The following SLX4 variants were observed in gnomAD, a reference collection of about 807,000 sequenced individuals.
The protein encoded by SLX4 is structure-specific endonuclease subunit SLX4.
SLX4 carries 112 observed loss-of-function variants against 146.2 expected under a neutral mutation model. The observed-to-expected ratio is 0.77, with a 90% CI of 0.66 to 0.90. SLX4 has a LOEUF of 0.90. Among genes scored for constraint, SLX4 ranks in the 40% least tolerant of loss-of-function variants. The pLI is 0.00. For missense variants in SLX4, 2,563 were observed against 2,392.7 expected (o/e 1.07, Z -1.49); for synonymous variants, 1,061 against 997.7 (o/e 1.06, Z -1.20).
In SLX4 at chr16:3,608,483, T is replaced by G; in HGVS notation, c.482A>C (p.Gln161Pro). ...PVLRETAQNT[Q>P]TGNQQEPSPN... is the part of the protein sequence containing the mutation. Reference sequence around the variant, plus strand: ...CGATGGTTCTTGCTGGTTACCCGTCTGGGTGTTTTGTGCTGTTTCCCGGAG... The same window carrying G: ...CGATGGTTCTTGCTGGTTACCCGTCGGGGTGTTTTGTGCTGTTTCCCGGAG... Residue 161 changes from glutamine (Q) to proline (P), a missense_variant, in exon 2 of 15, where the codon CAG becomes CCG. Gln to Pro is a moderately conservative substitution (Grantham distance 76). Coordinates refer to ENST00000294008, the MANE Select transcript of SLX4 (RefSeq NM_032444.4). The G allele has an allele frequency of 6.2e-7, 1 of 1,614,246 alleles. No homozygotes were observed. The highest frequency in any genetic ancestry group is 8.5e-7 in the Non-Finnish European group (1 of 1,180,050).
At chr16:3,603,982 C>G (rs138027459) in intron 3 of SLX4, among the ~76,000 whole-genome samples, 15 of 152,286 alleles carry the variant, frequency 9.8e-5, no homozygotes, top group Non-Finnish European at 7.4e-5. Context: ...GTAATCCTAG[C>G]ACTTTGGGAG....
At chr16:3,596,033 TC>T in intron 8 of SLX4, 119 bp downstream of exon 8, 1 of 1,409,240 alleles carries the variant, frequency 7.1e-7, no homozygotes, top group Non-Finnish European at 9.4e-7. Flanking sequence ...CTGCGTGTTC[TC>T]CCACCAGGTC....
chr16:3,594,659 G>A lies in SLX4; in HGVS notation c.2014-60C>T, dbSNP rs542155285. On this transcript the variant is annotated intron_variant, in intron 9 of 14. Transcript: ENST00000294008. Reference sequence around the variant, plus strand: ...CCACCTCTGCTCTGCTAACTGGGCAGTGGGAAGCTCCCCGCATGGAGGTGG... The same window carrying A: ...CCACCTCTGCTCTGCTAACTGGGCAATGGGAAGCTCCCCGCATGGAGGTGG... The A allele has an allele frequency of 8.0e-5, 129 of 1,610,970 alleles. No individual in the cohort carries two copies. In the African/African-American group the frequency reaches 1.6e-3, roughly 20 times the overall value.
In SLX4 at chr16:3,608,542, C is replaced by A. The variant is rs111405249; in HGVS notation, c.423G>T (p.Gly141=). The A allele has an allele frequency of 2.5e-6, 4 of 1,614,190 alleles. No individual in the cohort carries two copies. Among genetic ancestry groups the A allele is most frequent in the African/African-American group, 2.7e-5 (2 of 75,030 alleles). ...GATCTGGAGCAGAGGCAAGCACACC[C>A]CCCTCCCCATTCACAGAGTGGGCCG... ...SEPAHSVNGE[G]GVLASAPDPP... is the part of the protein sequence containing the mutation. Residue 141 remains glycine (G), a synonymous_variant, in exon 2 of 15, where the codon GGG becomes GGT. Transcript: ENST00000294008.
intron 1 of SLX4, among the ~76,000 whole-genome samples, chr16:3,611,344 G>A (rs891647777): frequency 5.3e-5 from 8 of 152,230 alleles, no homozygotes; most frequent in African/African-American, 1.9e-4. Flanking sequence ...ATCCGGATCC[G>A]CCACCCTCCT....
At chr16:3,591,980 C>A (rs534221914) in intron 11 of SLX4, among the ~76,000 whole-genome samples, 1 of 152,222 alleles carries the variant, frequency 6.6e-6, no homozygotes, top group African/African-American at 2.4e-5. Context: ...CACAGCGACA[C>A]TCCGTCTCTC....
intron 9 of SLX4, among the ~76,000 whole-genome samples, chr16:3,595,144 G>A (rs78312844): frequency 0.05 from 7,616 of 152,276 alleles, 248 homozygotes; most frequent in Admixed American, 0.068. Context: ...CCCAGACAGC[G>A]CACTGACAGG....
intron 12 of SLX4, among the ~76,000 whole-genome samples, chr16:3,587,362 G>T (rs535808526): frequency 2.4e-4 from 36 of 152,222 alleles, no homozygotes; most frequent in African/African-American, 8.2e-4. Flanking sequence ...TGGGCGTGGT[G>T]CTGGGTGCCT....
intron 3 of SLX4, among the ~76,000 whole-genome samples, chr16:3,605,221 C>A (rs2040769666): frequency 6.6e-6 from 1 of 152,118 alleles, no homozygotes; most frequent in South Asian, 2.1e-4. Flanking sequence ...TCCCGAGTAG[C>A]TGGGACTACA....
In SLX4 at chr16:3,589,753, T is replaced by C. The variant is rs1211485988; in HGVS notation, c.3885A>G (p.Ser1295=). 1.2e-6 allele frequency: 2 copies of C among 1,613,730 alleles called. No individual in the cohort carries two copies. Among genetic ancestry groups the C allele is most frequent in the East Asian group, 2.2e-5 (1 of 44,888 alleles). Residue 1295 remains serine (S), a synonymous_variant, in exon 12 of 15, where the codon TCA becomes TCG. Coordinates refer to ENST00000294008, the MANE Select transcript of SLX4 (RefSeq NM_032444.4). This position sits in a 1 kb window ranked among gnomAD's most constrained non-coding sequence, Gnocchi z 6.2. ...QAVTQHTPRA[S]VGNREGNEVA... ...CTTCGTTCCCTTCCCTGTTTCCTAC[T>C]GAGGCCCTGGGCGTGTGCTGAGTCA...
At chr16:3,582,767 G>T in intron 14 of SLX4, 74 bp from the exon 15 acceptor site, 1 of 1,367,188 alleles carries the variant, frequency 7.3e-7, no homozygotes, top group Admixed American at 1.9e-5. Flanking sequence ...CTCTTTAAAG[G>T]AAGGAAGGTG....
chr16:3,589,693 T>C lies in SLX4; in HGVS notation c.3945A>G (p.Thr1315=). ...AQKFSVIRPQ[T]PPPQTPSSCL... ...ATGAGGACGGTGTCTGGGGCGGTGG[T>C]GTCTGGGGCCTGATGACAGAAAACT... The change falls in exon 12 of 15, where the codon ACA becomes ACG. Residue 1315 remains threonine (T), a synonymous_variant. Coordinates refer to ENST00000294008, the MANE Select transcript of SLX4 (RefSeq NM_032444.4). This position sits in a 1 kb window ranked among gnomAD's most constrained non-coding sequence, Gnocchi z 6.2. 2 of 1,613,900 alleles carry C rather than the reference T, an allele frequency of 1.2e-6. No homozygotes were observed. The highest frequency in any genetic ancestry group is 1.7e-6 in the Non-Finnish European group (2 of 1,180,008).
intron 12 of SLX4, among the ~76,000 whole-genome samples, chr16:3,587,455 C>CA (rs2040520882): frequency 6.6e-6 from 1 of 152,182 alleles, no homozygotes; most frequent in Non-Finnish European, 1.5e-5. Flanking sequence ...GAGATAGCCC[C>CA]ACTGCACTCC....
chr16:3,585,017 T>TGC, intron 12 of SLX4, 146 bp from the exon 13 acceptor site: 1 of 708,886 alleles, frequency 1.4e-6, no homozygotes, highest in Non-Finnish European at 2.6e-6. Context: ...TGGTCACCCC[T>TGC]TCCCTGTCTG....
chr16:3,605,401 T>G (rs2040771309), intron 3 of SLX4, among the ~76,000 whole-genome samples: 1 of 151,922 alleles, frequency 6.6e-6, no homozygotes, highest in Non-Finnish European at 1.5e-5. Context: ...TAAAATTTTT[T>G]TGTAGAGATG....
rs77699867 is a variant in SLX4, at chr16:3,589,855, C to T, written c.3783G>A (p.Pro1261=). 5.5e-3 allele frequency: 8,896 copies of T among 1,612,906 alleles called. 221 individuals carry two copies. The African/African-American group carries it at 0.067, about 12-fold the overall frequency. Residue 1261 remains proline, a synonymous_variant, in exon 12 of 15, where the codon CCG becomes CCA. Coordinates refer to ENST00000294008, the MANE Select transcript of SLX4 (RefSeq NM_032444.4). This position sits in a 1 kb window ranked among gnomAD's most constrained non-coding sequence, Gnocchi z 6.2. ...AACAGTCACGGCTTCTGCTGGCCAG[C>T]GGGGTGGCGGGCACCAGCCACGAGG... ...TDTSWLVPAT[P]LASRSRDCSS... is the part of the protein sequence containing the mutation.
At position 3,600,888 on chromosome 16, in the gene SLX4, G is replaced by A. The variant is rs184602252; in HGVS notation, c.1163+91C>T. On this transcript the variant is annotated intron_variant, in intron 5 of 14. Transcript: ENST00000294008. ...TGCGATTACAGGTGTGAACTACTGCGTCCAGCCCATAAAAAGCTTTTTTAA... is the reference window on the plus strand; with the variant it reads ...TGCGATTACAGGTGTGAACTACTGCATCCAGCCCATAAAAAGCTTTTTTAA... 2.2e-4 allele frequency: 302 copies of A among 1,389,552 alleles called. 1 individual carries two copies. The African/African-American group carries it at 3.6e-3, about 17-fold the overall frequency. The allele number at this position is 1,389,552 out of a possible 1,614,324, so 86.1% of individuals were successfully genotyped here. A position where few individuals can be genotyped will look rare whatever the true frequency, so the allele number is the denominator to read the frequency against.
chr16:3,598,439 G>A (rs963868260), intron 5 of SLX4, among the ~76,000 whole-genome samples: 1 of 152,306 alleles, frequency 6.6e-6, no homozygotes, highest in South Asian at 2.1e-4. Context: ...AGGGCTCCAC[G>A]GCAGTGCCTC....
Position 3,608,903 on chromosome 16 carries a change from G to A in SLX4, c.62C>T (p.Ser21Phe). ...GCGAGGGTCAATCCCAGGACAGGCA[G>A]ACAGATGAGAAAGTGAACCCAAGTA... The part of the protein sequence containing the change: ...GFYLGSLSHL[S>F]ACPGIDPRSS... The change falls in exon 2 of 15, where the codon TCT (serine) becomes TTT (phenylalanine). Residue 21 changes from serine to phenylalanine, a missense_variant. Physicochemically the swap from Ser to Phe is radical, Grantham distance 155 (BLOSUM62 -2). Coordinates refer to ENST00000294008, the MANE Select transcript of SLX4 (RefSeq NM_032444.4). 1.9e-6 allele frequency: 3 copies of A among 1,614,160 alleles called. No individual in the cohort carries two copies. The highest frequency in any genetic ancestry group is 2.5e-6 in the Non-Finnish European group (3 of 1,180,044).
Sources: allele counts gnomAD v4.1 joint callset (sites outside exome capture counted in the v4.1 genomes callset), GRCh38; gene constraint gnomAD v4.1.1; non-coding constraint Gnocchi (gnomAD v3.1); transcripts MANE v1.5; gene names NCBI Gene and HGNC (gene_info 2026-07-23, HGNC 2026-07-21).